ARHGAP5: variants seen among roughly 807,000 people sequenced by gnomAD.
ARHGAP5 encodes the protein rho GTPase-activating protein 5.
A neutral mutation model predicts 116.6 loss-of-function variants in ARHGAP5; 23 were observed. The ratio of observed to expected loss-of-function variants is 0.20; its 90% CI spans 0.14 to 0.28. The LOEUF (loss-of-function observed/expected upper bound fraction) is 0.28. Ranked by LOEUF, ARHGAP5 falls within the 10% of genes least tolerant of loss-of-function variation. The pLI, the probability that ARHGAP5 is intolerant of heterozygous loss-of-function variation, is 1.00. For synonymous variants in ARHGAP5, 574 were observed against 602.0 expected (o/e 0.95, Z 0.68); for missense variants, 1,405 against 1,774.8 (o/e 0.79, Z 3.74).
chr14:32,099,673 C>T (rs934397605), intron 2 of ARHGAP5, among the ~76,000 whole-genome samples: 4 of 152,132 alleles, frequency 2.6e-5, no homozygotes, highest in East Asian at 1.9e-4. Context: ...TATCTCAGAA[C>T]GGTCCTCTGC....
chr14:32,097,526 A>T (rs999325442), intron 2 of ARHGAP5, among the ~76,000 whole-genome samples: 3 of 152,192 alleles, frequency 2.0e-5, no homozygotes, highest in Admixed American at 6.5e-5. Context: ...ATCATCTATC[A>T]TCCTAAATGA....
chr14:32,150,356 T>C (rs1480207760), intron 5 of ARHGAP5, among the ~76,000 whole-genome samples: 1 of 152,232 alleles, frequency 6.6e-6, no homozygotes, highest in East Asian at 1.9e-4. Context: ...TTCTTCAAAT[T>C]GTAAGTCAAA....
chr14:32,120,645 T>C (rs1879839043), intron 3 of ARHGAP5, among the ~76,000 whole-genome samples: 1 of 151,924 alleles, frequency 6.6e-6, no homozygotes, highest in African/African-American at 2.4e-5. Context: ...GGTTATTAGA[T>C]TTCTAAATAT....
chr14:32,088,472 CTATCACTGTGTA>C (rs2041852658), intron 1 of ARHGAP5, among the ~76,000 whole-genome samples: 1 of 151,902 alleles, frequency 6.6e-6, no homozygotes, highest in Non-Finnish European at 1.5e-5. Flanking sequence ...AGTTCCATTT[CTATCACTGTGTA>C]TATAACTTTG....
chr14:32,117,636 A>G (rs1879667686), intron 3 of ARHGAP5, among the ~76,000 whole-genome samples: 1 of 152,166 alleles, frequency 6.6e-6, no homozygotes, highest in Non-Finnish European at 1.5e-5. Flanking sequence ...TTTAAGTGCA[A>G]TGCTGTTTAC....
chr14:32,100,267 C>T (rs1009857966), intron 2 of ARHGAP5, among the ~76,000 whole-genome samples: 12 of 152,076 alleles, frequency 7.9e-5, no homozygotes, highest in African/African-American at 2.2e-4. Context: ...GTGGTACCAT[C>T]GAGCTCACTG....
At chr14:32,139,572 T>G (rs1300433841) in intron 3 of ARHGAP5, among the ~76,000 whole-genome samples, 1 of 152,080 alleles carries the variant, frequency 6.6e-6, no homozygotes, top group Admixed American at 6.5e-5. Context: ...CATTTCTGAT[T>G]TTAGTAATTG....
chr14:32,093,736 A>G lies in ARHGAP5; in HGVS notation c.3067A>G (p.Ser1023Gly). Reference protein sequence around the residue: ...DLEGNEYPIHSTPNCHDHERN... With the variant: ...DLEGNEYPIHGTPNCHDHERN... ...GGAAGGAAATGAGTATCCTATTCAT[A>G]GTACCCCAAACTGTCATGACCATGA... Residue 1023 changes from serine to glycine, a missense_variant, in exon 2 of 7, where the codon AGT becomes GGT. Ser to Gly is a moderately conservative substitution (Grantham distance 56, BLOSUM62 0). This residue lies in a region of ARHGAP5 where 944 missense variants were observed against 1,095.3 expected (regional missense o/e 0.86). Transcript: ENST00000345122. The G allele has an allele frequency of 6.2e-7, 1 of 1,614,144 alleles. No homozygotes were observed. The highest frequency in any genetic ancestry group is 8.5e-7 in the Non-Finnish European group (1 of 1,179,994).
rs569892479 is a variant in ARHGAP5, at chr14:32,095,416, G to GT, written c.3717+1043dup. On this transcript the variant is annotated intron_variant, in intron 2 of 6. Transcript: ENST00000345122. ...TGTAAACTTTGTTTTTTTTTTTTTT[G>GT]TTTTTTTTTTTTTGAGATGGAGTTT... 9.4e-3 allele frequency among the ~76,000 whole-genome samples: 951 copies of GT among 101,146 alleles called. 6 individuals are homozygous for GT. The highest frequency in any genetic ancestry group is 0.018 in the African/African-American group (496 of 27,784). 66.4% of individuals were successfully genotyped at this position (101,146 alleles called of 152,430 possible).
intron 3 of ARHGAP5, among the ~76,000 whole-genome samples, chr14:32,132,619 G>C (rs1880564484): frequency 6.6e-6 from 1 of 152,150 alleles, no homozygotes; most frequent in Non-Finnish European, 1.5e-5. Context: ...TTTGTCTTTT[G>C]TTGCCATTGC....
rs1404494657 is a variant in ARHGAP5 at position 32,156,149 on chromosome 14, A to G, written c.*1201A>G. On this transcript the variant is annotated 3_prime_UTR_variant, in exon 7 of 7. Coordinates refer to ENST00000345122, the MANE Select transcript of ARHGAP5 (RefSeq NM_001030055.2). ...CTTTGATGTTGGTACCAGAATTACT[A>G]TAAGTGACTGCTGCTTTTGGGGGTA... The G allele has an allele frequency of 1.3e-5, 2 of 152,494 alleles. No individual in the cohort carries two copies. Among genetic ancestry groups the G allele is most frequent in the Non-Finnish European group, 2.9e-5 (2 of 67,912 alleles). The allele number at this position is 152,494 out of a possible 1,614,324, so 9.4% of individuals were successfully genotyped here.
chr14:32,153,869 A>G (rs1354780084), intron 6 of ARHGAP5: 1 of 151,616 alleles, frequency 6.6e-6, no homozygotes, highest in African/African-American at 2.4e-5. Context: ...TCTGAGCAAC[A>G]TAGTGAGACT....
chr14:32,085,373 G>A (rs114352271), intron 1 of ARHGAP5, among the ~76,000 whole-genome samples: 1,660 of 152,086 alleles, frequency 0.011, 26 homozygotes, highest in African/African-American at 0.037. Flanking sequence ...TCACCTGAGC[G>A]CAGGAGTTCG....
rs7157480 is a variant in ARHGAP5 at position 32,128,416 on chromosome 14, C to A, written c.3865+11129C>A. Among the ~76,000 whole-genome samples, 698 of 152,374 alleles carry A rather than the reference C, an allele frequency of 4.6e-3. 11 individuals carry two copies. Among genetic ancestry groups the A allele is most frequent in the African/African-American group, 0.016 (682 of 41,600 alleles). ...GCTCCCAAACAGGTTCATCCTCACACCAACTTGCAAGGGCGTGGCCCGCCT... is the reference window on the plus strand; with the variant it reads ...GCTCCCAAACAGGTTCATCCTCACAACAACTTGCAAGGGCGTGGCCCGCCT... On this transcript the variant is annotated intron_variant, in intron 3 of 6. Transcript: ENST00000345122.
At position 32,092,914 on chromosome 14, in the gene ARHGAP5, G is replaced by A; in HGVS notation, c.2245G>A (p.Ala749Thr). The A allele has an allele frequency of 6.2e-7, 1 of 1,613,988 alleles. No individual in the cohort carries two copies. Among genetic ancestry groups the A allele is most frequent in the Non-Finnish European group, 8.5e-7 (1 of 1,179,908 alleles). The change falls in exon 2 of 7, where the codon GCT becomes ACT. Residue 749 changes from alanine (A) to threonine (T), a missense_variant. Ala to Thr is a moderately conservative substitution (Grantham distance 58). Coordinates refer to ENST00000345122, the MANE Select transcript of ARHGAP5 (RefSeq NM_001030055.2). The surrounding 1 kb of genome is among the most constrained non-coding windows in gnomAD (Gnocchi z 4.1). ...RKFNETQIKQ[A>T]LRGVLESVKH... ...ATTTAATGAAACCCAAATAAAGCAA[G>A]CTCTCAGAGGAGTATTGGAATCAGT...
chr14:32,122,812 A>G (rs563842590), intron 3 of ARHGAP5, among the ~76,000 whole-genome samples: 1 of 152,340 alleles, frequency 6.6e-6, no homozygotes, highest in East Asian at 1.9e-4. Context: ...TCAGTTGACC[A>G]TAAATGTGAA....
In ARHGAP5 at chr14:32,092,894, A is replaced by G. The variant is rs2139019741; in HGVS notation, c.2225A>G (p.Asn742Ser). Residue 742 changes from asparagine (N) to serine (S), a missense_variant, in exon 2 of 7, where the codon AAT becomes AGT. Around this residue, in one of 6 missense-constraint regions of ARHGAP5, gnomAD observed 944 missense variants for 1,095.3 expected, o/e 0.86. Coordinates refer to ENST00000345122, the MANE Select transcript of ARHGAP5 (RefSeq NM_001030055.2). This position sits in a 1 kb window ranked among gnomAD's most constrained non-coding sequence, Gnocchi z 4.1. ...GCTGGTACATATCCTCGTAAATTTAATGAAACCCAAATAAAGCAAGCTCTC... is the reference window on the plus strand; with the variant it reads ...GCTGGTACATATCCTCGTAAATTTAGTGAAACCCAAATAAAGCAAGCTCTC... ...VPAGTYPRKF[N>S]ETQIKQALRG... 3 of 1,614,006 alleles carry G rather than the reference A, an allele frequency of 1.9e-6. No homozygotes were observed. The highest frequency in any genetic ancestry group is 1.1e-5 in the South Asian group (1 of 91,060).
At chr14:32,107,192 G>A (rs1161377585) in intron 2 of ARHGAP5, among the ~76,000 whole-genome samples, 1 of 152,078 alleles carries the variant, frequency 6.6e-6, no homozygotes, top group Non-Finnish European at 1.5e-5. Context: ...AATTTCTTCA[G>A]TTCTTACAGA....
intron 1 of ARHGAP5, among the ~76,000 whole-genome samples, chr14:32,086,739 T>G (rs1177265438): frequency 6.6e-6 from 1 of 151,936 alleles, no homozygotes; most frequent in Non-Finnish European, 1.5e-5. Flanking sequence ...ATGCAGTGTT[T>G]GAATGGTCTA....
Sources: gnomAD v4.1 joint callset for allele counts (sites outside exome capture counted in the v4.1 genomes callset) on GRCh38, gnomAD v4.1.1 for gene constraint, gnomAD v4.1.1 regional missense constraint, Gnocchi (gnomAD v3.1) non-coding constraint, MANE v1.5 for transcripts, NCBI Gene and HGNC (gene_info 2026-07-23, HGNC 2026-07-21) for gene names.